ADGRA3: variants seen among roughly 807,000 people sequenced by gnomAD.
ADGRA3 encodes the protein G-protein coupled receptor 125.
Under a neutral mutation model 119.8 loss-of-function variants are expected in ADGRA3, and 56 were observed. That is an observed-to-expected ratio of 0.47 (90% CI 0.38 to 0.58). The LOEUF (loss-of-function observed/expected upper bound fraction) is 0.58. Among genes scored for constraint, ADGRA3 ranks in the 20% least tolerant of loss-of-function variants. The pLI, the probability that ADGRA3 is intolerant of heterozygous loss-of-function variation, is 0.00. For missense variants in ADGRA3, 1,516 were observed against 1,649.0 expected (o/e 0.92, Z 1.40); for synonymous variants, 607 against 623.8 (o/e 0.97, Z 0.40).
chr4:22,460,448 G>C (rs986186610), intron 3 of ADGRA3, among the ~76,000 whole-genome samples: 1 of 152,194 alleles, frequency 6.6e-6, no homozygotes, highest in Non-Finnish European at 1.5e-5. Context: ...CCTCCCAGGA[G>C]AGGGCTTTGG....
intron 1 of ADGRA3, among the ~76,000 whole-genome samples, chr4:22,499,227 T>G (rs1327058825): frequency 6.6e-6 from 1 of 152,238 alleles, no homozygotes; most frequent in Non-Finnish European, 1.5e-5. Context: ...GCATGTAACT[T>G]CTGTGGCTTT....
intron 2 of ADGRA3, among the ~76,000 whole-genome samples, chr4:22,468,843 T>C (rs1282984129): frequency 6.6e-6 from 1 of 151,408 alleles, no homozygotes; most frequent in African/African-American, 2.4e-5. Context: ...GGATGATGGA[T>C]ATAAAAGTCT....
chr4:22,411,012 T>C (rs1420315648), intron 14 of ADGRA3, among the ~76,000 whole-genome samples: 2 of 152,238 alleles, frequency 1.3e-5, no homozygotes, highest in Non-Finnish European at 2.9e-5. Flanking sequence ...ACTAATTTAA[T>C]AGTTTTGAAG....
At chr4:22,409,199 T>C (rs571296734) in intron 14 of ADGRA3, among the ~76,000 whole-genome samples, 1 of 152,326 alleles carries the variant, frequency 6.6e-6, no homozygotes, top group South Asian at 2.1e-4. Context: ...ATTTGTGCAC[T>C]TTGCTCAATA....
chr4:22,428,969 G>T (rs974591309), intron 10 of ADGRA3, among the ~76,000 whole-genome samples: 2 of 152,148 alleles, frequency 1.3e-5, no homozygotes, highest in Admixed American at 6.5e-5. Context: ...GAAATGGGTG[G>T]AAGGGGAAAA....
At chr4:22,444,891 A>C in intron 6 of ADGRA3, 82 bp downstream of exon 6, 1 of 1,383,330 alleles carries the variant, frequency 7.2e-7, no homozygotes. Flanking sequence ...AAGTATAAAG[A>C]GAATCTTACA....
intron 12 of ADGRA3, chr4:22,420,370 T>C (rs1715605547): frequency 6.5e-6 from 1 of 153,708 alleles, no homozygotes; most frequent in South Asian, 2.0e-4. Context: ...TTCAATGAAA[T>C]ACTTTTTTTA....
At position 22,515,794 on chromosome 4, in the gene ADGRA3, C is replaced by G; in HGVS notation, c.-10G>C. ...GTCCGGGTGGCTCCATGCTGCGGGCCGGGGCCTGCGGGGCGAGCGGCGGCG... is the reference window on the plus strand; with the variant it reads ...GTCCGGGTGGCTCCATGCTGCGGGCGGGGGCCTGCGGGGCGAGCGGCGGCG... On this transcript the variant is annotated 5_prime_UTR_variant, in exon 1 of 19. Coordinates refer to ENST00000334304, the MANE Select transcript of ADGRA3 (RefSeq NM_145290.4). The G allele has an allele frequency of 1.0e-6, 1 of 996,714 alleles. No individual in the cohort carries two copies. Among genetic ancestry groups the G allele is most frequent in the South Asian group, 4.5e-5 (1 of 22,044 alleles). 61.7% of individuals were successfully genotyped at this position (996,714 alleles called of 1,614,324 possible). A position where few individuals can be genotyped will look rare whatever the true frequency, so the allele number is the denominator to read the frequency against.
At chr4:22,511,436 G>A (rs1051496884) in intron 1 of ADGRA3, among the ~76,000 whole-genome samples, 1 of 152,024 alleles carries the variant, frequency 6.6e-6, no homozygotes, top group African/African-American at 2.4e-5. Context: ...CTTTCTTTAA[G>A]CATAGCTACA....
At chr4:22,471,260 A>G (rs954566060) in intron 2 of ADGRA3, among the ~76,000 whole-genome samples, 2 of 152,084 alleles carry the variant, frequency 1.3e-5, no homozygotes, top group African/African-American at 4.8e-5. Flanking sequence ...GAGCTAAATG[A>G]TAAGAACTTA....
At chr4:22,502,491 A>C (rs1719082046) in intron 1 of ADGRA3, among the ~76,000 whole-genome samples, 1 of 152,170 alleles carries the variant, frequency 6.6e-6, no homozygotes, top group South Asian at 2.1e-4. Flanking sequence ...GAGGTAAGGA[A>C]ATGAAGAGGA....
intron 14 of ADGRA3, among the ~76,000 whole-genome samples, chr4:22,412,513 G>T (rs1038340671): frequency 6.7e-6 from 1 of 149,256 alleles, no homozygotes; most frequent in Admixed American, 6.6e-5. Flanking sequence ...TTTGGATTAG[G>T]AATGATGAAC....
chr4:22,492,564 T>A (rs926144977), intron 1 of ADGRA3, among the ~76,000 whole-genome samples: 1 of 151,994 alleles, frequency 6.6e-6, no homozygotes, highest in African/African-American at 2.4e-5. Context: ...AAAAAATAAA[T>A]AAGCAAAACA....
At chr4:22,490,391 T>C (rs940284997) in intron 1 of ADGRA3, among the ~76,000 whole-genome samples, 1 of 152,226 alleles carries the variant, frequency 6.6e-6, no homozygotes, top group Non-Finnish European at 1.5e-5. Context: ...AAAGCCATTT[T>C]ATTTGGCATT....
chr4:22,412,234 G>A (rs574555768), intron 14 of ADGRA3, among the ~76,000 whole-genome samples: 103 of 151,996 alleles, frequency 6.8e-4, no homozygotes, highest in South Asian at 1.2e-3. Context: ...TCCTTCCACC[G>A]TACTCTAAAT....
chr4:22,443,370 T>C (rs1716700485), intron 6 of ADGRA3, among the ~76,000 whole-genome samples: 1 of 152,168 alleles, frequency 6.6e-6, no homozygotes, highest in Non-Finnish European at 1.5e-5. Context: ...AGTTTTTTCC[T>C]TTCAGTCAGA....
chr4:22,407,249 C>T (rs1013576213), intron 14 of ADGRA3, among the ~76,000 whole-genome samples: 1 of 151,994 alleles, frequency 6.6e-6, no homozygotes, highest in Admixed American at 6.6e-5. Flanking sequence ...CCAGCCTGGG[C>T]GACAGAGCAA....
chr4:22,502,342 G>C (rs1342243886), intron 1 of ADGRA3, among the ~76,000 whole-genome samples: 1 of 152,228 alleles, frequency 6.6e-6, no homozygotes, highest in Non-Finnish European at 1.5e-5. Flanking sequence ...ACTTCAGTAA[G>C]AGCATGGGAC....
intron 6 of ADGRA3, among the ~76,000 whole-genome samples, chr4:22,444,377 C>T (rs7671918): frequency 0.017 from 2,544 of 152,194 alleles, 21 homozygotes; most frequent in Middle Eastern, 0.048. Context: ...CCTCCACCTC[C>T]TGGGTTTAAG....
Sources: gnomAD v4.1 joint callset for allele counts (sites outside exome capture counted in the v4.1 genomes callset) on GRCh38, gnomAD v4.1.1 for gene constraint, MANE v1.5 for transcripts, NCBI Gene and HGNC (gene_info 2026-07-23, HGNC 2026-07-21) for gene names.